The following MRRF variants were observed in gnomAD, a reference collection of about 807,000 sequenced individuals.
The protein encoded by MRRF is ribosome-recycling factor, mitochondrial.
MRRF carries 18 observed loss-of-function variants against 25.1 expected under a neutral mutation model. That is an observed-to-expected ratio of 0.72 (90% CI 0.50 to 1.06). The LOEUF is 1.06. Among genes scored for constraint, MRRF ranks in the 50% least tolerant of loss-of-function variants. MRRF has a pLI of 0.00. For missense variants in MRRF, 323 were observed against 319.3 expected (o/e 1.01, Z -0.09); for synonymous variants, 113 against 112.1 (o/e 1.01, Z -0.05).
intron 5 of MRRF, among the ~76,000 whole-genome samples, chr9:122,304,888 A>G (rs1377058042): frequency 6.6e-6 from 1 of 152,128 alleles, no homozygotes; most frequent in Non-Finnish European, 1.5e-5. Flanking sequence ...TGTGTCTGCC[A>G]AGAACTTGTT....
chr9:122,294,182 T>C (rs1361668585), intron 5 of MRRF, among the ~76,000 whole-genome samples: 2 of 152,196 alleles, frequency 1.3e-5, no homozygotes, highest in Non-Finnish European at 2.9e-5. Flanking sequence ...TGCCAGGTCG[T>C]TTCTGAAGCT....
At chr9:122,318,163 T>A (rs1335874406) in intron 6 of MRRF, among the ~76,000 whole-genome samples, 1 of 151,906 alleles carries the variant, frequency 6.6e-6, no homozygotes, top group Non-Finnish European at 1.5e-5. Flanking sequence ...ATGAAATGAT[T>A]CATTTGTAGG....
At chr9:122,321,059 G>A (rs1483158695) in intron 6 of MRRF, among the ~76,000 whole-genome samples, 1 of 152,174 alleles carries the variant, frequency 6.6e-6, no homozygotes, top group Non-Finnish European at 1.5e-5. Flanking sequence ...TTTTTCCTGA[G>A]AACTTGATAT....
At chr9:122,273,163 T>TG (rs2119046712) in intron 2 of MRRF, among the ~76,000 whole-genome samples, 1 of 152,318 alleles carries the variant, frequency 6.6e-6, no homozygotes, top group East Asian at 1.9e-4. Flanking sequence ...AGACAGCTCT[T>TG]GCACAAGGCC....
chr9:122,324,705 A>G lies in MRRF; in HGVS notation c.*2088A>G, dbSNP rs1836072225. ...GCTGAGTTCTTTCAAAGCAACATCC[A>G]ACTTCTCTTTGCTCTTTGACTTCCT... On this transcript the variant is annotated 3_prime_UTR_variant, in exon 7 of 7. Coordinates refer to ENST00000344641, the MANE Select transcript of MRRF (RefSeq NM_138777.5). 1 of 152,256 alleles carries G rather than the reference A, an allele frequency of 6.6e-6. No individual in the cohort carries two copies. The highest frequency in any genetic ancestry group is 1.5e-5 in the Non-Finnish European group (1 of 68,052). 9.4% of individuals were successfully genotyped at this position (152,256 alleles called of 1,614,324 possible).
intron 6 of MRRF, among the ~76,000 whole-genome samples, chr9:122,314,690 T>G (rs1421819808): frequency 6.6e-6 from 1 of 152,128 alleles, no homozygotes; most frequent in Admixed American, 6.5e-5. Flanking sequence ...CATCTATGTT[T>G]ATGAAAGATG....
At chr9:122,292,917 G>A (rs1018298880) in intron 5 of MRRF, among the ~76,000 whole-genome samples, 1 of 152,086 alleles carries the variant, frequency 6.6e-6, no homozygotes, top group African/African-American at 2.4e-5. Context: ...GAATTAACTC[G>A]TTCAGTCTTT....
chr9:122,304,407 G>A (rs1011290466), intron 5 of MRRF, among the ~76,000 whole-genome samples: 7 of 152,136 alleles, frequency 4.6e-5, no homozygotes, highest in Admixed American at 2.0e-4. Context: ...GCTATTGCAG[G>A]TCCCAAGTGT....
Position 122,324,080 on chromosome 9 carries a change from TA to T in MRRF, c.*1464del, listed in dbSNP as rs1181443893. ...AATTCTCCAGCAGACACCAACTGGG[TA>T]TCCTATAATTCAATTCATTTCTGAC... On this transcript the variant is annotated 3_prime_UTR_variant, in exon 7 of 7. Transcript: ENST00000344641. The T allele has an allele frequency of 1.3e-5, 2 of 152,170 alleles. No homozygotes were observed. The highest frequency in any genetic ancestry group is 2.4e-5 in the African/African-American group (1 of 41,420). The allele number at this position is 152,170 out of a possible 1,614,324, so 9.4% of individuals were successfully genotyped here.
intron 5 of MRRF, among the ~76,000 whole-genome samples, chr9:122,306,515 C>T (rs1407404495): frequency 6.6e-6 from 1 of 152,174 alleles, no homozygotes; most frequent in African/African-American, 2.4e-5. Flanking sequence ...AGATCTGGAC[C>T]TCAAGCCCCA....
chr9:122,313,134 A>G (rs929171363), intron 5 of MRRF, 93 bp from the exon 6 acceptor site: 78 of 1,318,256 alleles, frequency 5.9e-5, no homozygotes, highest in Admixed American at 1.2e-4. Flanking sequence ...GAAAGTTACA[A>G]ACTGCTGAAC....
chr9:122,313,636 C>G (rs935608419), intron 6 of MRRF, among the ~76,000 whole-genome samples: 14 of 152,148 alleles, frequency 9.2e-5, no homozygotes, highest in Non-Finnish European at 1.3e-4. Context: ...ACCCTCATCA[C>G]TACAAAACTA....
At chr9:122,286,078 C>T (rs956698358) in intron 4 of MRRF, 22 of 1,278,640 alleles carry the variant, frequency 1.7e-5, no homozygotes, top group Admixed American at 2.3e-5. Flanking sequence ...ACCTGGAATC[C>T]GGTCCCATCT....
intron 2 of MRRF, among the ~76,000 whole-genome samples, chr9:122,278,403 T>C (rs920725912): frequency 2.0e-5 from 3 of 152,186 alleles, no homozygotes; most frequent in Non-Finnish European, 4.4e-5. Context: ...TAACTATTAT[T>C]CTGACTTCTA....
At position 122,302,065 on chromosome 9, in the gene MRRF, T is replaced by C. The variant is rs1004117182; in HGVS notation, c.551+10225T>C. On this transcript the variant is annotated intron_variant, in intron 5 of 6. Coordinates refer to ENST00000344641, the MANE Select transcript of MRRF (RefSeq NM_138777.5). ...CCTGCATGGTGATTATTAACTGTTA[T>C]GGGGGAGTATTGTCTGTCTCTACTG... Among the ~76,000 whole-genome samples the C allele has an allele frequency of 8.6e-5, 13 of 152,042 alleles. No homozygotes were observed. The South Asian group carries it at 1.0e-3, about 12-fold the overall frequency.
rs1271981877 is a variant in MRRF at position 122,330,074 on chromosome 9, A to G, written c.*7457A>G. On this transcript the variant is annotated 3_prime_UTR_variant, in exon 7 of 7. Transcript: ENST00000344641. This position sits in a 1 kb window ranked among gnomAD's most constrained non-coding sequence, Gnocchi z 4.2. ...TAGACATCTTAAGGGACCGCATGGC[A>G]TCCAAGGCCACTGGCATCTACTGTA... 1 of 152,320 alleles carries G rather than the reference A, an allele frequency of 6.6e-6. No homozygotes were observed. The highest frequency in any genetic ancestry group is 1.9e-4 in the East Asian group (1 of 5,200). 9.4% of individuals were successfully genotyped at this position (152,320 alleles called of 1,614,324 possible). A position where few individuals can be genotyped will look rare whatever the true frequency, so the allele number is the denominator to read the frequency against.
chr9:122,294,161 T>C (rs1241329778), intron 5 of MRRF, among the ~76,000 whole-genome samples: 1 of 152,176 alleles, frequency 6.6e-6, no homozygotes, highest in Non-Finnish European at 1.5e-5. Context: ...AAGGGGTTGT[T>C]CTTAGTGGCC....
intron 6 of MRRF, among the ~76,000 whole-genome samples, chr9:122,321,414 A>C (rs1419105763): frequency 4.6e-5 from 7 of 152,156 alleles, no homozygotes; most frequent in African/African-American, 1.7e-4. Flanking sequence ...ATAACTTTAG[A>C]TTTTCTAATT....
At chr9:122,318,991 T>C (rs1037903413) in intron 6 of MRRF, among the ~76,000 whole-genome samples, 9 of 152,076 alleles carry the variant, frequency 5.9e-5, no homozygotes, top group African/African-American at 2.2e-4. Flanking sequence ...AGAACTTGGA[T>C]TGACACTTAA....
Sources: allele counts gnomAD v4.1 joint callset (sites outside exome capture counted in the v4.1 genomes callset), GRCh38; gene constraint gnomAD v4.1.1; non-coding constraint Gnocchi (gnomAD v3.1); transcripts MANE v1.5; gene names NCBI Gene and HGNC (gene_info 2026-07-23, HGNC 2026-07-21).